Variants in FSIP2 observed in about 807,000 individuals in gnomAD.
FSIP2 encodes the protein fibrous sheath interacting protein 2.
In FSIP2, 367 loss-of-function variants were observed where a neutral mutation model predicts 510.5. The ratio of observed to expected loss-of-function variants is 0.72; its 90% CI spans 0.66 to 0.78. FSIP2 has a LOEUF of 0.78. FSIP2 is among the 30% of genes least tolerant of loss of function. The pLI is 0.00. For missense variants in FSIP2, 7,594 were observed against 7,901.7 expected, an observed-to-expected ratio of 0.96 and a Z score of 1.48; for synonymous variants, 2,601 against 2,732.2, an observed-to-expected ratio of 0.95 and a Z score of 1.50.
chr2:185,788,543 C>T, intron 15 of FSIP2, 100 bp from the exon 16 acceptor site: 2 of 709,842 alleles, frequency 2.8e-6, no homozygotes, highest in Non-Finnish European at 4.4e-6. Flanking sequence ...GGTATTCCAC[C>T]AATACATTGA....
In FSIP2 at chr2:185,803,317, A is replaced by G. The variant is rs920830350; in HGVS notation, c.14011A>G (p.Lys4671Glu). 2 of 1,529,264 alleles carry G rather than the reference A, an allele frequency of 1.3e-6. No homozygotes were observed. The highest frequency in any genetic ancestry group is 2.8e-5 in the African/African-American group (2 of 72,602). The allele number at this position is 1,529,264 out of a possible 1,614,324, so 94.7% of individuals were successfully genotyped here. A position where few individuals can be genotyped will look rare whatever the true frequency, so the allele number is the denominator to read the frequency against. Residue 4671 changes from lysine (K) to glutamate (E), a missense_variant, in exon 17 of 23, where the codon AAA (lysine) becomes GAA (glutamate). Coordinates refer to ENST00000424728, the MANE Select transcript of FSIP2 (RefSeq NM_173651.4). ...LIHLITGEFS[K>E]AQVSIIDNTE... ...ACATTTGATTACAGGGGAATTCTCA[A>G]AAGCCCAAGTTAGCATTATAGATAA... is the stretch of plus-strand genomic sequence containing the variant.
In FSIP2 at chr2:185,739,403, C is replaced by G; in HGVS notation, c.157C>G (p.Leu53Val). ...ACCGGCTCAGCTACTGGACCTACCT[C>G]TCGGGGTCAAGCTGCCTGTGATCCC... ...VGPAQLLDLP[L>V]GVKLPVIPGS... The change falls in exon 2 of 23, where the codon CTC becomes GTC. Residue 53 changes from leucine (L) to valine (V), a missense_variant. By Grantham distance (32) the Leu-to-Val change is conservative. Transcript: ENST00000424728. 1 of 1,535,410 alleles carries G rather than the reference C, an allele frequency of 6.5e-7. No homozygotes were observed.
intron 17 of FSIP2, among the ~76,000 whole-genome samples, chr2:185,810,889 TGG>T (rs1346089013): frequency 6.6e-6 from 1 of 152,054 alleles, no homozygotes; most frequent in Non-Finnish European, 1.5e-5. Flanking sequence ...AGGTCTCAGA[TGG>T]AAATGAGGAA....
chr2:185,743,380 C>A, intron 3 of FSIP2, 86 bp downstream of exon 3: 1 of 780,392 alleles, frequency 1.3e-6, no homozygotes, highest in Non-Finnish European at 1.8e-6. Flanking sequence ...CTCGGGGGGC[C>A]TGTGTCACTT....
chr2:185,788,401 G>C (rs1693038458), intron 15 of FSIP2, among the ~76,000 whole-genome samples: 1 of 151,424 alleles, frequency 6.6e-6, no homozygotes, highest in South Asian at 2.1e-4. Flanking sequence ...ACTTCTGAGA[G>C]ACTGTGAATA....
chr2:185,741,589 T>C (rs1299864551), intron 2 of FSIP2, among the ~76,000 whole-genome samples: 3 of 152,216 alleles, frequency 2.0e-5, no homozygotes, highest in Non-Finnish European at 4.4e-5. Context: ...TTATTATTGA[T>C]CGTTTCCCTT....
At chr2:185,784,793 G>A (rs1335987877) in intron 14 of FSIP2, among the ~76,000 whole-genome samples, 2 of 152,022 alleles carry the variant, frequency 1.3e-5, no homozygotes, top group South Asian at 2.1e-4. Flanking sequence ...AATGTTGCAA[G>A]CCTTTAATTA....
chr2:185,771,715 T>C (rs1692611669), intron 13 of FSIP2, among the ~76,000 whole-genome samples: 1 of 152,200 alleles, frequency 6.6e-6, no homozygotes, highest in Admixed American at 6.5e-5. Context: ...TTGTTAACAC[T>C]TGGCCCCCTT....
chr2:185,808,548 T>C lies in FSIP2; in HGVS notation c.19242T>C (p.Asn6414=). 6.2e-7 allele frequency: 1 copy of C among 1,612,494 alleles called. No homozygotes were observed. Among genetic ancestry groups the C allele is most frequent in the Non-Finnish European group, 8.5e-7 (1 of 1,179,294 alleles). ...DPEEHCLNPE[N]TERIYQVVDS... ...AAGAGCACTGTTTAAATCCAGAAAA[T>C]ACAGAAAGGATTTATCAGGTTGTCG... The change falls in exon 17 of 23, where the codon AAT becomes AAC. Residue 6414 remains asparagine (N), a synonymous_variant. Transcript: ENST00000424728.
chr2:185,779,499 T>C (rs1379476923), intron 13 of FSIP2, among the ~76,000 whole-genome samples: 1 of 152,138 alleles, frequency 6.6e-6, no homozygotes, highest in African/African-American at 2.4e-5. Flanking sequence ...AAACATTTGT[T>C]ATTTCTTTGT....
In FSIP2 at chr2:185,805,738, A is replaced by G; in HGVS notation, c.16432A>G (p.Lys5478Glu). 1 of 1,605,498 alleles carries G rather than the reference A, an allele frequency of 6.2e-7. No individual in the cohort carries two copies. Among genetic ancestry groups the G allele is most frequent in the Non-Finnish European group, 8.5e-7 (1 of 1,177,108 alleles). ...GAATAGAAAGAAAAGTTTTAAAACC[A>G]AGGACACATCAGTGAAAAAAGGTGA... Reference protein sequence around the residue: ...TMNRKKSFKTKDTSVKKGDIQ... With the variant: ...TMNRKKSFKTEDTSVKKGDIQ... The change falls in exon 17 of 23, where the codon AAG becomes GAG. Residue 5478 changes from lysine to glutamate, a missense_variant. Transcript: ENST00000424728.
In FSIP2 at chr2:185,797,185, A is replaced by T. The variant is rs554092343; in HGVS notation, c.10049A>T (p.Asn3350Ile). ...GGCTTTCCAAGTCAACCACACACTA[A>T]TGAGAACAGGGAAATAATGAAACCA... ...SCGFPSQPHT[N>I]ENREIMKPFF... The change falls in exon 16 of 23, where the codon AAT becomes ATT. Residue 3350 changes from asparagine (N) to isoleucine (I), a missense_variant. Physicochemically the swap from Asn to Ile is moderately radical, Grantham distance 149. Coordinates refer to ENST00000424728, the MANE Select transcript of FSIP2 (RefSeq NM_173651.4). 33 of 1,535,042 alleles carry T rather than the reference A, an allele frequency of 2.1e-5. No homozygotes were observed. In the Admixed American group the frequency reaches 3.9e-4, roughly 18 times the overall value.
Position 185,796,663 on chromosome 2 carries a change from T to C in FSIP2, c.9527T>C (p.Leu3176Ser). 1.3e-6 allele frequency: 2 copies of C among 1,535,096 alleles called. No individual in the cohort carries two copies. Among genetic ancestry groups the C allele is most frequent in the Non-Finnish European group, 1.7e-6 (2 of 1,146,260 alleles). Residue 3176 changes from leucine to serine, a missense_variant, in exon 16 of 23, where the codon TTG (leucine) becomes TCG (serine). By Grantham distance (145) the Leu-to-Ser change is moderately radical (BLOSUM62 -2). Transcript: ENST00000424728. ...MFTSKLKEGS[L>S]GINPSQVSKT... The stretch of plus-strand genomic sequence containing the variant: ...ACATCAAAGTTAAAGGAAGGTAGTT[T>C]GGGGATTAATCCTTCACAAGTGAGT...
intron 7 of FSIP2, among the ~76,000 whole-genome samples, chr2:185,749,565 C>T (rs1692102781): frequency 6.6e-6 from 1 of 151,860 alleles, no homozygotes; most frequent in Admixed American, 6.6e-5. Flanking sequence ...TAATAGTTTA[C>T]ATAGATGATC....
At chr2:185,776,862 G>A (rs924393664) in intron 13 of FSIP2, among the ~76,000 whole-genome samples, 3 of 151,986 alleles carry the variant, frequency 2.0e-5, no homozygotes, top group South Asian at 2.1e-4. Flanking sequence ...AGCCTCCCGA[G>A]TAGTTGGGAT....
intron 17 of FSIP2, 80 bp from the exon 18 acceptor site, chr2:185,813,465 A>G (rs1160781885): frequency 2.5e-6 from 2 of 786,864 alleles, no homozygotes; most frequent in Non-Finnish European, 3.8e-6. Context: ...AAATTATAAG[A>G]AAATAGCTAC....
intron 9 of FSIP2, among the ~76,000 whole-genome samples, chr2:185,759,366 A>G (rs1692304475): frequency 6.8e-6 from 1 of 147,988 alleles, no homozygotes; most frequent in Non-Finnish European, 1.5e-5. Flanking sequence ...CATTCCTTGG[A>G]TAAACTCTAC....
chr2:185,759,171 C>T (rs976823917), intron 9 of FSIP2, among the ~76,000 whole-genome samples: 2 of 150,558 alleles, frequency 1.3e-5, no homozygotes, highest in African/African-American at 4.9e-5. Flanking sequence ...TTAAATATAG[C>T]CTTTGTTAGA....
chr2:185,738,657 C>G (rs1691836452), upstream of FSIP2: 8 of 1,536,074 alleles, frequency 5.2e-6, no homozygotes, highest in Non-Finnish European at 7.0e-6. Flanking sequence ...CCTCTCAGAT[C>G]AGGCCTCTCG....
Sources: allele counts gnomAD v4.1 joint callset (sites outside exome capture counted in the v4.1 genomes callset), GRCh38; gene constraint gnomAD v4.1.1; transcripts MANE v1.5; gene names NCBI Gene and HGNC (gene_info 2026-07-23, HGNC 2026-07-21).